BLTP2: variants seen among roughly 807,000 people sequenced by gnomAD.
BLTP2 encodes the protein bridge-like lipid transfer protein family member 2.
the BLTP2 span, among the ~76,000 whole-genome samples, chr17:28,617,542 T>C: frequency 6.6e-6 from 1 of 152,210 alleles, no homozygotes; most frequent in African/African-American, 2.4e-5. Flanking sequence ...CATTGTGACA[T>C]TAAAAAATGT....
At chr17:28,640,937 T>G in the BLTP2 span, among the ~76,000 whole-genome samples, 8 of 152,228 alleles carry the variant, frequency 5.3e-5, no homozygotes, top group African/African-American at 1.7e-4. Context: ...GGCCAAATAA[T>G]TTAAACATCA....
chr17:28,627,565 C>T, the BLTP2 span, among the ~76,000 whole-genome samples: 1 of 152,158 alleles, frequency 6.6e-6, no homozygotes, highest in African/African-American at 2.4e-5. Context: ...CGCCACCATG[C>T]ACGGCTAATT....
At chr17:28,635,021 G>A in the BLTP2 span, 58 of 1,613,296 alleles carry the variant, frequency 3.6e-5, 1 homozygote, top group Non-Finnish European at 4.5e-5. Flanking sequence ...GCCCAAGCAC[G>A]AGTCCCTTGA....
the BLTP2 span, chr17:28,639,846 A>C: frequency 6.2e-7 from 1 of 1,604,096 alleles, no homozygotes; most frequent in Non-Finnish European, 8.5e-7. Flanking sequence ...GCATGAGCAA[A>C]GAGAGTATCT....
chr17:28,644,400 A>C, the BLTP2 span, among the ~76,000 whole-genome samples: 2 of 152,240 alleles, frequency 1.3e-5, no homozygotes, highest in Non-Finnish European at 2.9e-5. Context: ...ATGAAACCAG[A>C]AACTGCACCC....
chr17:28,643,560 C>G, the BLTP2 span: 1 of 1,566,012 alleles, frequency 6.4e-7, no homozygotes, highest in Non-Finnish European at 8.8e-7. Context: ...CTGCAAACAC[C>G]AACTCCAAAG....
the BLTP2 span, chr17:28,643,215 C>A: frequency 6.2e-7 from 1 of 1,614,028 alleles, no homozygotes; most frequent in Non-Finnish European, 8.5e-7. Flanking sequence ...CCTTTTGATC[C>A]ACCCCAGCGC....
the BLTP2 span, chr17:28,632,978 G>A: frequency 1.9e-6 from 3 of 1,559,782 alleles, no homozygotes; most frequent in East Asian, 4.5e-5. Flanking sequence ...TTGATGGAGA[G>A]ATTGAGGTTC....
the BLTP2 span, chr17:28,642,177 C>T: frequency 1.9e-6 from 3 of 1,569,632 alleles, no homozygotes; most frequent in Non-Finnish European, 2.6e-6. Flanking sequence ...CTTGAGGGAA[C>T]CCCCTAAGGT....
At chr17:28,637,853 G>GTAAAC in the BLTP2 span, 1 of 1,613,954 alleles carries the variant, frequency 6.2e-7, no homozygotes, top group South Asian at 1.1e-5. Flanking sequence ...GGCAGAAAGG[G>GTAAAC]TAAACAAGTT....
chr17:28,645,107 C>G, the BLTP2 span: 23 of 1,521,714 alleles, frequency 1.5e-5, no homozygotes, highest in Non-Finnish European at 1.8e-5. Context: ...ATGCCGGGCC[C>G]CGACGCCGGA....
At chr17:28,616,408 C>G in the BLTP2 span, 1 of 1,614,190 alleles carries the variant, frequency 6.2e-7, no homozygotes, top group Non-Finnish European at 8.5e-7. The surrounding 1 kb of genome is among the most constrained non-coding windows in gnomAD (Gnocchi z 4.8). Flanking sequence ...GACCTTCTGA[C>G]CCCAGAACTC....
At chr17:28,633,850 T>C in the BLTP2 span, 4 of 1,607,242 alleles carry the variant, frequency 2.5e-6, no homozygotes, top group East Asian at 2.2e-5. Context: ...ATTTCACCCA[T>C]CACAAACGTC....
chr17:28,616,764 A>G, the BLTP2 span: 2 of 1,614,004 alleles, frequency 1.2e-6, no homozygotes, highest in East Asian at 4.5e-5. The surrounding 1 kb of genome is among the most constrained non-coding windows in gnomAD (Gnocchi z 4.8). Context: ...CTAAAAAGGA[A>G]AAAGATTCAA....
the BLTP2 span, chr17:28,616,856 T>C: frequency 1.9e-6 from 3 of 1,606,272 alleles, no homozygotes; most frequent in South Asian, 3.3e-5. This position sits in a 1 kb window ranked among gnomAD's most constrained non-coding sequence, Gnocchi z 4.8. Context: ...GAATGTCCCT[T>C]GTTCCCAGGT....
At chr17:28,633,537 G>A in the BLTP2 span, 1 of 1,613,168 alleles carries the variant, frequency 6.2e-7, no homozygotes. Flanking sequence ...AAAGTATCAT[G>A]ACACCCCTCA....
At chr17:28,617,381 T>C in the BLTP2 span, 3 of 1,241,172 alleles carry the variant, frequency 2.4e-6, no homozygotes, top group Non-Finnish European at 3.5e-6. Context: ...TACTAGACAA[T>C]TGTTATGTAT....
At chr17:28,642,996 A>T in the BLTP2 span, 35 of 1,554,384 alleles carry the variant, frequency 2.3e-5, no homozygotes, top group Non-Finnish European at 3.0e-5. Flanking sequence ...AGCTGGAAGG[A>T]AGAAGCAAGG....
the BLTP2 span, chr17:28,644,973 G>A: frequency 8.3e-6 from 13 of 1,564,906 alleles, no homozygotes; most frequent in Non-Finnish European, 9.5e-6. Flanking sequence ...CCGCCGGCGC[G>A]GCCGGGAACC....
Sources: allele counts gnomAD v4.1 joint callset (sites outside exome capture counted in the v4.1 genomes callset), GRCh38; gene constraint gnomAD v4.1.1; non-coding constraint Gnocchi (gnomAD v3.1); transcripts MANE v1.5; gene names NCBI Gene and HGNC (gene_info 2026-07-23, HGNC 2026-07-21).